The following KCND3 variants were observed in gnomAD, a reference collection of about 807,000 sequenced individuals.
The protein encoded by KCND3 is potassium voltage-gated channel subfamily D member 3.
A neutral mutation model predicts 51.1 loss-of-function variants in KCND3; 9 were observed. That is an observed-to-expected ratio of 0.18 (90% CI 0.11 to 0.31). KCND3 has a LOEUF of 0.31. Ranked by LOEUF, KCND3 falls within the 10% of genes least tolerant of loss-of-function variation. The pLI is 1.00. For synonymous variants in KCND3, 349 were observed against 368.0 expected (o/e 0.95, Z 0.59); for missense variants, 526 against 903.8 (o/e 0.58, Z 5.36).
chr1:111,969,478 A>G (rs903746117), intron 2 of KCND3, among the ~76,000 whole-genome samples: 1 of 152,246 alleles, frequency 6.6e-6, no homozygotes, highest in Middle Eastern at 3.2e-3. Flanking sequence ...TGGTCAGCTC[A>G]CTGCCAGTCT....
At chr1:111,893,473 C>T (rs1232237311) in intron 2 of KCND3, among the ~76,000 whole-genome samples, 1 of 152,116 alleles carries the variant, frequency 6.6e-6, no homozygotes, top group Non-Finnish European at 1.5e-5. Flanking sequence ...GTGCCAGGCA[C>T]AGGCTGTGGA....
chr1:111,838,721 C>T (rs1450008686), intron 2 of KCND3, among the ~76,000 whole-genome samples: 2 of 152,256 alleles, frequency 1.3e-5, no homozygotes, highest in Non-Finnish European at 2.9e-5. Flanking sequence ...AAAGCACACA[C>T]AACAGATGAG....
At chr1:111,937,579 C>T (rs978448239) in intron 2 of KCND3, among the ~76,000 whole-genome samples, 5 of 151,506 alleles carry the variant, frequency 3.3e-5, no homozygotes, top group East Asian at 1.9e-4. Flanking sequence ...CCTTTCAGAA[C>T]GCTTCTGGCT....
intron 2 of KCND3, among the ~76,000 whole-genome samples, chr1:111,975,058 C>A (rs1305601816): frequency 6.6e-6 from 1 of 152,188 alleles, no homozygotes. Context: ...TTTAGAGTGG[C>A]CTCTCTGTTT....
chr1:111,933,898 T>C (rs1378406464), intron 2 of KCND3, among the ~76,000 whole-genome samples: 9 of 152,176 alleles, frequency 5.9e-5, no homozygotes, highest in Admixed American at 2.6e-4. Context: ...TGCCCAAGAC[T>C]TTAAAAACAA....
intron 3 of KCND3, among the ~76,000 whole-genome samples, chr1:111,781,414 C>G (rs1664376993): frequency 6.6e-6 from 1 of 152,134 alleles, no homozygotes; most frequent in Non-Finnish European, 1.5e-5. Flanking sequence ...GAGTTTTTGC[C>G]TTGTTTACTG....
intron 2 of KCND3, among the ~76,000 whole-genome samples, chr1:111,846,017 A>G (rs1667529575): frequency 6.6e-6 from 1 of 152,168 alleles, no homozygotes; most frequent in Admixed American, 6.5e-5. Flanking sequence ...CAGAGGCCTC[A>G]GTGGGTTTGC....
intron 2 of KCND3, among the ~76,000 whole-genome samples, chr1:111,871,526 G>C (rs945401493): frequency 2.0e-5 from 3 of 152,156 alleles, no homozygotes; most frequent in African/African-American, 7.2e-5. Flanking sequence ...AAAGTTAAAG[G>C]GGTAAAGCTA....
intron 2 of KCND3, among the ~76,000 whole-genome samples, chr1:111,971,786 C>A (rs563332065): frequency 6.0e-4 from 91 of 152,292 alleles, no homozygotes; most frequent in African/African-American, 1.8e-3. Flanking sequence ...GGAACTCCAA[C>A]CTCCATACCT....
chr1:111,940,960 G>T (rs1672487261), intron 2 of KCND3, among the ~76,000 whole-genome samples: 1 of 152,164 alleles, frequency 6.6e-6, no homozygotes, highest in Non-Finnish European at 1.5e-5. Context: ...ATGAGAGCAG[G>T]GACTGTGTTT....
intron 2 of KCND3, among the ~76,000 whole-genome samples, chr1:111,950,516 T>C (rs1673009618): frequency 1.3e-5 from 2 of 152,242 alleles, no homozygotes; most frequent in African/African-American, 2.4e-5. Context: ...CAGCAGGTGC[T>C]ATAAAAATTG....
chr1:111,970,095 C>A (rs760348715), intron 2 of KCND3, among the ~76,000 whole-genome samples: 1 of 152,040 alleles, frequency 6.6e-6, no homozygotes, highest in African/African-American at 2.4e-5. Flanking sequence ...CAGCTCTCTG[C>A]AACCTCTGCC....
chr1:111,863,309 T>A (rs472945), intron 2 of KCND3, among the ~76,000 whole-genome samples: 22,976 of 144,392 alleles, frequency 0.16, 2,228 homozygotes, highest in East Asian at 0.42. Flanking sequence ...AGACATTGAC[T>A]AACCTATTTG....
intron 2 of KCND3, among the ~76,000 whole-genome samples, chr1:111,903,788 T>C (rs1029989670): frequency 9.8e-5 from 15 of 152,306 alleles, no homozygotes; most frequent in African/African-American, 3.4e-4. Context: ...AGCCAGTTCA[T>C]AGGATGCTGA....
intron 2 of KCND3, among the ~76,000 whole-genome samples, chr1:111,873,196 C>T (rs1002788969): frequency 2.6e-5 from 4 of 152,214 alleles, no homozygotes; most frequent in African/African-American, 9.6e-5. Context: ...TGTCCTGCCT[C>T]GAAATGTCTC....
Position 111,787,013 on chromosome 1 carries a change from A to G in KCND3, c.1200T>C (p.Pro400=). The G allele has an allele frequency of 3.1e-6, 5 of 1,614,182 alleles. No homozygotes were observed. The highest frequency in any genetic ancestry group is 4.2e-6 in the Non-Finnish European group (5 of 1,180,032). Residue 400 remains proline (P), a synonymous_variant, in exon 3 of 8, where the codon CCT becomes CCC. Coordinates refer to ENST00000302127, the MANE Select transcript of KCND3 (RefSeq NM_001378969.1). The part of the protein sequence containing the change: ...SGVLVIALPV[P]VIVSNFSRIY... Reference sequence around the variant, plus strand: ...TCCGGCTAAAGTTGGAAACAATCACAGGGACTGGCAGGGCAATGACCAGGA... The same window carrying G: ...TCCGGCTAAAGTTGGAAACAATCACGGGGACTGGCAGGGCAATGACCAGGA...
At chr1:111,922,833 G>C (rs764918954) in intron 2 of KCND3, among the ~76,000 whole-genome samples, 3 of 152,210 alleles carry the variant, frequency 2.0e-5, no homozygotes, top group Non-Finnish European at 4.4e-5. Flanking sequence ...AGGAGAATAA[G>C]TCTCTGTTTT....
At position 111,780,748 on chromosome 1, in the gene KCND3, G is replaced by C. The variant is rs1172444288; in HGVS notation, c.1313C>G (p.Ser438Trp). ...GCGCTTGCTGTGCAGGTATGCATTC[G>C]AACTGCCTGTTTTGGCCACACGGAT... The part of the protein sequence containing the change: ...ARIRVAKTGS[S>W]NAYLHSKRNG... Residue 438 changes from serine to tryptophan, a missense_variant, in exon 4 of 8, where the codon TCG becomes TGG. Transcript: ENST00000302127. This position sits in a 1 kb window ranked among gnomAD's most constrained non-coding sequence, Gnocchi z 4.2. 6 of 1,613,322 alleles carry C rather than the reference G, an allele frequency of 3.7e-6. No homozygotes were observed. The highest frequency in any genetic ancestry group is 5.1e-6 in the Non-Finnish European group (6 of 1,179,852).
At chr1:111,971,587 G>A (rs1014075815) in intron 2 of KCND3, among the ~76,000 whole-genome samples, 4 of 151,876 alleles carry the variant, frequency 2.6e-5, no homozygotes, top group African/African-American at 9.7e-5. Context: ...TATTTTTTCT[G>A]CTTCAGCTGA....
Sources: allele counts gnomAD v4.1 joint callset (sites outside exome capture counted in the v4.1 genomes callset), GRCh38; gene constraint gnomAD v4.1.1; non-coding constraint Gnocchi (gnomAD v3.1); transcripts MANE v1.5; gene names NCBI Gene and HGNC (gene_info 2026-07-23, HGNC 2026-07-21).